POM121: variants seen among roughly 807,000 people sequenced by gnomAD.
POM121 encodes POM121 transmembrane nucleoporin.
Under a neutral mutation model 81.3 loss-of-function variants are expected in POM121, and 32 were observed. That is an observed-to-expected ratio of 0.39 (90% CI 0.30 to 0.53). The LOEUF is 0.53. POM121 is among the 20% of genes least tolerant of loss of function. The pLI is 0.66. For synonymous variants in POM121, 514 were observed against 694.2 expected, an observed-to-expected ratio of 0.74 and a Z score of 4.08; for missense variants, 1,138 against 1,614.6, an observed-to-expected ratio of 0.70 and a Z score of 5.06.
At chr7:72,890,960 C>T (rs542801414) in exon 3 of POM121, 96 of 1,346,916 alleles carry the variant, frequency 7.1e-5, no homozygotes, top group East Asian at 1.4e-4. Context: ...TCTTGTACTT[C>T]GGAGATCTGA....
chr7:72,901,600 G>T (rs113607348), intron 3 of POM121, among the ~76,000 whole-genome samples: 1 of 152,070 alleles, frequency 6.6e-6, no homozygotes, highest in African/African-American at 2.4e-5. Context: ...TGATCCACCT[G>T]CCTCGGCCTC....
At chr7:72,882,405 T>G (rs564972508) in intron 1 of POM121, among the ~76,000 whole-genome samples, 3 of 152,288 alleles carry the variant, frequency 2.0e-5, no homozygotes, top group African/African-American at 4.8e-5. Context: ...TTGCATTGAT[T>G]ATAAGGAGAA....
chr7:72,948,769 C>A, downstream of POM121: 1 of 1,581,972 alleles, frequency 6.3e-7, no homozygotes, highest in Non-Finnish European at 8.7e-7. Flanking sequence ...GGAACGTGCT[C>A]AGGCCTCGGT....
chr7:72,887,826 T>TCAAAAAA (rs1242457273), intron 1 of POM121, among the ~76,000 whole-genome samples: 6 of 152,208 alleles, frequency 3.9e-5, no homozygotes, highest in African/African-American at 1.4e-4. Context: ...AGACTTCATC[T>TCAAAAAA]CAAAAAACAA....
At chr7:72,886,587 G>A (rs1790743178) in intron 1 of POM121, among the ~76,000 whole-genome samples, 1 of 152,166 alleles carries the variant, frequency 6.6e-6, no homozygotes, top group Admixed American at 6.5e-5. Context: ...TTTTACTTCT[G>A]CCTGAAGGAG....
intron 4 of POM121, among the ~76,000 whole-genome samples, chr7:72,913,983 T>C (rs375498420): frequency 0.016 from 2,452 of 152,194 alleles, 66 homozygotes; most frequent in African/African-American, 0.055. Flanking sequence ...GTCTCTTTTC[T>C]TTGAGCCTAT....
chr7:72,938,033 T>C (rs547559904), intron 5 of POM121, among the ~76,000 whole-genome samples: 1 of 152,244 alleles, frequency 6.6e-6, no homozygotes, highest in African/African-American at 2.4e-5. Flanking sequence ...CTGGCACAGG[T>C]TTGAATGTGT....
chr7:72,946,144 G>A lies in POM121; in HGVS notation c.3660G>A (p.Ala1220=), dbSNP rs782117444. 3.3e-5 allele frequency: 53 copies of A among 1,611,670 alleles called. No homozygotes were observed. The East Asian group carries it at 9.6e-4, about 29-fold the overall frequency. ...CTTGTTGAATCTTTCCAGGATCGGC[G>A]GCCCTTTCATTTTCCATTGGTGCGG... ...GFVGVAPFGS[A]ALSFSIGAGS... Residue 1220 remains alanine (A), a synonymous_variant, in exon 13 of 13, where the codon GCG becomes GCA. Transcript: ENST00000434423.
At chr7:72,907,752 C>T (rs1446551765) in intron 3 of POM121, among the ~76,000 whole-genome samples, 1 of 152,188 alleles carries the variant, frequency 6.6e-6, no homozygotes, top group Non-Finnish European at 1.5e-5. Context: ...CTCAAGTGAT[C>T]CTCCTGCCTT....
chr7:72,936,156 C>G (rs2129579211), intron 5 of POM121, among the ~76,000 whole-genome samples: 1 of 152,268 alleles, frequency 6.6e-6, no homozygotes, highest in Middle Eastern at 3.4e-3. Flanking sequence ...CCAGTCCTAG[C>G]TAATCATTAC....
At chr7:72,943,736 G>C (rs1231241169) in intron 11 of POM121, among the ~76,000 whole-genome samples, 10 of 151,908 alleles carry the variant, frequency 6.6e-5, no homozygotes, top group African/African-American at 2.2e-4. Context: ...CTTCTGAGTA[G>C]TTAACAATTG....
chr7:72,887,599 C>T lies in POM121; in HGVS notation c.-520-3028C>T, dbSNP rs1233373106. On this transcript the variant is annotated intron_variant, in intron 1 of 15. Coordinates refer to the POM121 transcript ENST00000395270. ...AGCAACAACAACAACAAGGCTAAGG[C>T]GGGCAGATCACGAGGTCAGGAGTTC... 2.1e-4 allele frequency among the ~76,000 whole-genome samples: 32 copies of T among 152,264 alleles called. 1 individual carries two copies. The highest frequency in any genetic ancestry group is 1.9e-4 in the East Asian group (1 of 5,176).
At chr7:72,939,440 T>C in intron 7 of POM121, 31 bp downstream of exon 7, 2 of 1,612,924 alleles carry the variant, frequency 1.2e-6, no homozygotes, top group Admixed American at 3.3e-5. Context: ...GAGGGGCTGC[T>C]GTTGGTGGTG....
chr7:72,917,495 A>G (rs1554495276), intron 4 of POM121, among the ~76,000 whole-genome samples: 9 of 152,150 alleles, frequency 5.9e-5, no homozygotes, highest in Non-Finnish European at 1.3e-4. Flanking sequence ...TCCCAGAGGA[A>G]TTCTCCCCAG....
At chr7:72,890,693 G>C in exon 2 of POM121, 9 of 1,601,626 alleles carry the variant, frequency 5.6e-6, no homozygotes, top group Non-Finnish European at 7.7e-6. Flanking sequence ...ACTGGACCCT[G>C]ATGAGAAGAT....
In POM121 at chr7:72,942,128, C is replaced by G; in HGVS notation, c.2135C>G (p.Ser712Ter). The G allele has an allele frequency of 6.2e-7, 1 of 1,609,092 alleles. No homozygotes were observed. Among genetic ancestry groups the G allele is most frequent in the Non-Finnish European group, 8.5e-7 (1 of 1,179,778 alleles). ...QSFLFGTQNT[S>*]PSSPAAPAAS... ...TTCCTGTTTGGAACACAGAACACCTCACCTTCCAGCCCTGCCGCCCCTGCT... is the reference window on the plus strand; with the variant it reads ...TTCCTGTTTGGAACACAGAACACCTGACCTTCCAGCCCTGCCGCCCCTGCT... The change falls in exon 11 of 13, where the codon TCA becomes TGA. Residue 712 changes from serine (S) to a stop codon, truncating the protein, a stop_gained. Transcript: ENST00000434423. LOFTEE classifies it high-confidence loss of function.
rs1790502602 is a variant in POM121, at chr7:72,884,535, CAAATATATACATAT to C, written c.-521+4653_-521+4666del. 3.0e-4 allele frequency among the ~76,000 whole-genome samples: 18 copies of C among 59,344 alleles called. No homozygotes were observed. In the Admixed American group the frequency reaches 3.4e-3, roughly 11 times the overall value. 38.9% of individuals were successfully genotyped at this position (59,344 alleles called of 152,430 possible). Reference sequence around the variant, plus strand: ...TATACATATAATATATATTTGATAGCAAATATATACATATAATATATATTTGATAGCAAATATAT... The same window carrying C: ...TATACATATAATATATATTTGATAGCAATATATATTTGATAGCAAATATAT... On this transcript the variant is annotated intron_variant, in intron 1 of 15. Coordinates refer to the POM121 transcript ENST00000395270.
chr7:72,941,421 C>T (rs1318870628), intron 10 of POM121, among the ~76,000 whole-genome samples: 1 of 149,142 alleles, frequency 6.7e-6, no homozygotes, highest in Non-Finnish European at 1.5e-5. Context: ...TGCGCGCGCA[C>T]ACCTCTTTAT....
intron 11 of POM121, among the ~76,000 whole-genome samples, chr7:72,944,009 C>T (rs541201623): frequency 3.7e-4 from 56 of 152,098 alleles, no homozygotes; most frequent in African/African-American, 1.1e-3. Flanking sequence ...CACTGTACTC[C>T]GGCCTGGGTG....
Sources: gnomAD v4.1 joint callset for allele counts (sites outside exome capture counted in the v4.1 genomes callset) on GRCh38, gnomAD v4.1.1 for gene constraint, MANE v1.5 for transcripts, NCBI Gene and HGNC (gene_info 2026-07-23, HGNC 2026-07-21) for gene names.